Variants in PTPRN2 observed in about 807,000 individuals in gnomAD.
The protein encoded by PTPRN2 is protein tyrosine phosphatase receptor type N2.
In PTPRN2, 74 loss-of-function variants were observed where a neutral mutation model predicts 118.8. The ratio of observed to expected loss-of-function variants is 0.62; its 90% CI spans 0.52 to 0.76. PTPRN2 has a LOEUF of 0.76. Among genes scored for constraint, PTPRN2 ranks in the 30% least tolerant of loss-of-function variants. The pLI, the probability that PTPRN2 is intolerant of heterozygous loss-of-function variation, is 0.00. For synonymous variants in PTPRN2, 641 were observed against 608.0 expected, an observed-to-expected ratio of 1.05 and a Z score of -0.80; for missense variants, 1,481 against 1,394.4, an observed-to-expected ratio of 1.06 and a Z score of -0.99.
chr7:158,173,050 AATC>A (rs1354138077), intron 5 of PTPRN2, among the ~76,000 whole-genome samples: 1 of 144,018 alleles, frequency 6.9e-6, no homozygotes, highest in Non-Finnish European at 1.5e-5. Context: ...TCATCACCCC[AATC>A]ATCAACAACA....
chr7:157,595,322 A>G lies in PTPRN2; in HGVS notation c.2419-7T>C. On this transcript the variant is annotated splice_polypyrimidine_tract_variant and splice_region_variant and intron_variant, in intron 16 of 22. Coordinates refer to ENST00000389418, the MANE Select transcript of PTPRN2 (RefSeq NM_002847.5). The stretch of plus-strand genomic sequence containing the variant: ...TCCTCGGGTCGTGATCCATCTGCAG[A>G]GACAAGACCACACCACAGCGGTTAG... The G allele has an allele frequency of 6.2e-7, 1 of 1,613,492 alleles. No individual in the cohort carries two copies. Among genetic ancestry groups the G allele is most frequent in the Admixed American group, 1.7e-5 (1 of 59,964 alleles).
In PTPRN2 at chr7:157,737,168, G is replaced by A. The variant is rs976099771; in HGVS notation, c.1789-54231C>T. On this transcript the variant is annotated intron_variant, in intron 12 of 22. Transcript: ENST00000389418. ...TTTGACATGTATTTCATGAAGCTTC[G>A]GTACACACGCCACGTTGCTCCCCGA... Among the ~76,000 whole-genome samples the A allele has an allele frequency of 3.3e-5, 5 of 152,150 alleles. No individual in the cohort carries two copies. In the South Asian group the frequency reaches 6.2e-4, roughly 19 times the overall value.
In PTPRN2 at chr7:157,598,061, G is replaced by T. The variant is rs1273191935; in HGVS notation, c.2419-2746C>A. On this transcript the variant is annotated intron_variant, in intron 16 of 22. Transcript: ENST00000389418. This position sits in a 1 kb window ranked among gnomAD's most constrained non-coding sequence, Gnocchi z 5.2. Reference sequence around the variant, plus strand: ...GCAAATACTTAACTGGCCACACAGAGATTTTACTACATTTAAGGTTTTCGG... The same window carrying T: ...GCAAATACTTAACTGGCCACACAGATATTTTACTACATTTAAGGTTTTCGG... Among the ~76,000 whole-genome samples the T allele has an allele frequency of 1.3e-5, 2 of 152,230 alleles. No individual in the cohort carries two copies. The highest frequency in any genetic ancestry group is 2.4e-5 in the African/African-American group (1 of 41,460).
intron 12 of PTPRN2, among the ~76,000 whole-genome samples, chr7:157,770,990 CCTGCCAGTTT>C (rs772906109): frequency 5.9e-5 from 9 of 152,250 alleles, no homozygotes; most frequent in Non-Finnish European, 1.0e-4. Context: ...GAAGTAACGC[CCTGCCAGTTT>C]CTGGCTTCTG....
chr7:157,545,778 CATG>C (rs1402287145), intron 22 of PTPRN2, among the ~76,000 whole-genome samples: 2 of 152,146 alleles, frequency 1.3e-5, no homozygotes, highest in African/African-American at 4.8e-5. Context: ...TCATCCTGGT[CATG>C]GTCTCCGGGT....
intron 2 of PTPRN2, among the ~76,000 whole-genome samples, chr7:158,340,216 A>T (rs1586374334): frequency 2.3e-5 from 2 of 87,468 alleles, no homozygotes; most frequent in East Asian, 3.5e-4. Flanking sequence ...ATAAGAGCTG[A>T]TGCCGGCACA....
At chr7:157,727,322 C>T (rs1355137851) in intron 12 of PTPRN2, among the ~76,000 whole-genome samples, 3 of 152,196 alleles carry the variant, frequency 2.0e-5, no homozygotes, top group African/African-American at 7.2e-5. Context: ...AGACATATGG[C>T]ATAACATGGG....
chr7:158,149,269 C>G (rs548511156), intron 6 of PTPRN2, among the ~76,000 whole-genome samples: 1 of 152,190 alleles, frequency 6.6e-6, no homozygotes, highest in East Asian at 1.9e-4. Context: ...AATTTCCAAC[C>G]AAAAGACCTC....
chr7:157,717,816 C>T (rs1286362983), intron 12 of PTPRN2, among the ~76,000 whole-genome samples: 1 of 152,270 alleles, frequency 6.6e-6, no homozygotes, highest in Non-Finnish European at 1.5e-5. Context: ...AGAGCAAAGA[C>T]TGATGTTCAT....
chr7:158,523,644 AGTCTGCCCTGGAGTGGAGTC>A (rs1563393126), intron 1 of PTPRN2, among the ~76,000 whole-genome samples: 29 of 60,874 alleles, frequency 4.8e-4, no homozygotes, highest in East Asian at 1.3e-3. Flanking sequence ...CCTGGAGCGG[AGTCTGCCCTGGAGTGGAGTC>A]GTCTGCCCTG....
rs149362138 is a variant in PTPRN2 at position 157,595,154 on chromosome 7, C to T, written c.2496+84G>A. The T allele has an allele frequency of 5.5e-4, 708 of 1,277,538 alleles. 5 individuals are homozygous for T. In the African/African-American group the frequency reaches 9.3e-3, roughly 17 times the overall value. 79.1% of individuals were successfully genotyped at this position (1,277,538 alleles called of 1,614,324 possible). On this transcript the variant is annotated intron_variant, in intron 17 of 22. Coordinates refer to ENST00000389418, the MANE Select transcript of PTPRN2 (RefSeq NM_002847.5). ...AGCATTTGTAAGAAGTTTGATTGGC[C>T]TAATCAGATTCAAGACATGATTCGT...
intron 12 of PTPRN2, among the ~76,000 whole-genome samples, chr7:157,850,411 T>A (rs1479949838): frequency 6.6e-6 from 1 of 151,706 alleles, no homozygotes; most frequent in East Asian, 1.9e-4. Context: ...GTGTAAGGGA[T>A]CCCAGGTATC....
At chr7:158,278,928 A>G (rs990506086) in intron 3 of PTPRN2, among the ~76,000 whole-genome samples, 9 of 152,050 alleles carry the variant, frequency 5.9e-5, no homozygotes, top group Admixed American at 2.0e-4. Context: ...GCATATCCGG[A>G]GTTGTTCATT....
intron 1 of PTPRN2, chr7:158,532,609 A>C (rs1258472204): frequency 2.4e-6 from 1 of 418,690 alleles, no homozygotes; most frequent in Non-Finnish European, 4.8e-6. Context: ...GTAAAAAGTA[A>C]GAAAAGACCA....
At chr7:158,313,482 G>T (rs1243487832) in intron 3 of PTPRN2, among the ~76,000 whole-genome samples, 1 of 152,230 alleles carries the variant, frequency 6.6e-6, no homozygotes, top group African/African-American at 2.4e-5. Context: ...GCCATGGGCA[G>T]TTCTGATACA....
At chr7:157,606,359 T>C (rs1585098194) in intron 15 of PTPRN2, among the ~76,000 whole-genome samples, 1 of 151,658 alleles carries the variant, frequency 6.6e-6, no homozygotes. Flanking sequence ...GGGGTGGGGG[T>C]GGGGTCCTGC....
At chr7:157,695,681 G>C (rs1055587605) in intron 12 of PTPRN2, among the ~76,000 whole-genome samples, 12 of 152,238 alleles carry the variant, frequency 7.9e-5, no homozygotes, top group African/African-American at 2.9e-4. Context: ...GGATGACTCT[G>C]AGTTGAAATG....
chr7:158,129,779 C>T (rs995609048), intron 9 of PTPRN2, among the ~76,000 whole-genome samples: 3 of 152,206 alleles, frequency 2.0e-5, no homozygotes, highest in African/African-American at 7.2e-5. Flanking sequence ...AGCCTCAGAA[C>T]ACATCACTTA....
intron 11 of PTPRN2, chr7:158,030,267 T>C (rs1355566111): frequency 6.6e-6 from 1 of 152,166 alleles, no homozygotes; most frequent in Non-Finnish European, 1.5e-5. Context: ...GAAGCAGGCA[T>C]GGTGCATCCC....
Sources: allele counts gnomAD v4.1 joint callset (sites outside exome capture counted in the v4.1 genomes callset), GRCh38; gene constraint gnomAD v4.1.1; non-coding constraint Gnocchi (gnomAD v3.1); transcripts MANE v1.5; gene names NCBI Gene and HGNC (gene_info 2026-07-23, HGNC 2026-07-21).